Variants in RHBDD1 observed in about 807,000 individuals in gnomAD.
RHBDD1 encodes rhomboid domain containing 1.
In RHBDD1, 38 loss-of-function variants were observed where a neutral mutation model predicts 36.3. The ratio of observed to expected loss-of-function variants is 1.05; its 90% CI spans 0.81 to 1.37. The LOEUF (loss-of-function observed/expected upper bound fraction) is 1.37, where lower values mean the gene tolerates loss of function less well. Ranked by LOEUF, RHBDD1 falls within the 40% of genes most tolerant of loss-of-function variation. The pLI is 0.00. For synonymous variants in RHBDD1, 151 were observed against 136.5 expected (o/e 1.11, Z -0.74); for missense variants, 393 against 377.6 (o/e 1.04, Z -0.34).
Position 226,839,456 on chromosome 2 carries a change from G to A in RHBDD1, c.-262G>A, listed in dbSNP as rs1574727376. ...ACCTGTAAAACTCAGGAGCCGAGAAGCTTTAAGAACAGTGAGGTTGAAGGG... is the reference window on the plus strand; with the variant it reads ...ACCTGTAAAACTCAGGAGCCGAGAAACTTTAAGAACAGTGAGGTTGAAGGG... On this transcript the variant is annotated 5_prime_UTR_variant, in exon 3 of 9. Coordinates refer to ENST00000392062, the MANE Select transcript of RHBDD1 (RefSeq NM_001167608.3). 6.6e-6 allele frequency: 1 copy of A among 152,236 alleles called. No homozygotes were observed. Among genetic ancestry groups the A allele is most frequent in the East Asian group, 1.9e-4 (1 of 5,182 alleles). 9.4% of individuals were successfully genotyped at this position (152,236 alleles called of 1,614,324 possible). A position where few individuals can be genotyped will look rare whatever the true frequency, so the allele number is the denominator to read the frequency against.
intron 8 of RHBDD1, among the ~76,000 whole-genome samples, chr2:226,957,097 G>A (rs1409967547): frequency 6.6e-6 from 1 of 152,210 alleles, no homozygotes; most frequent in Non-Finnish European, 1.5e-5. Context: ...TAGTGATACT[G>A]CCCATGGGGG....
the RHBDD1 span, among the ~76,000 whole-genome samples, chr2:226,822,572 C>T: frequency 5.4e-5 from 8 of 147,088 alleles, no homozygotes; most frequent in African/African-American, 1.3e-4. Context: ...GGGCTGAGGT[C>T]GCAATGAGCC....
chr2:226,984,347 G>A (rs114182693), intron 8 of RHBDD1, among the ~76,000 whole-genome samples: 175 of 152,330 alleles, frequency 1.1e-3, no homozygotes, highest in Middle Eastern at 3.4e-3. Context: ...GGTTATAGTG[G>A]GGTCCCTCTT....
intron 5 of RHBDD1, among the ~76,000 whole-genome samples, chr2:226,875,060 C>T (rs1945110736): frequency 2.6e-5 from 4 of 152,144 alleles, no homozygotes; most frequent in Non-Finnish European, 5.9e-5. Flanking sequence ...ACCGTAAGCC[C>T]TTCCTCCATC....
At chr2:226,885,879 A>T (rs752421608) in intron 5 of RHBDD1, among the ~76,000 whole-genome samples, 1 of 152,202 alleles carries the variant, frequency 6.6e-6, no homozygotes, top group South Asian at 2.1e-4. Context: ...GGTTTTTTCA[A>T]TCCGATAACC....
At chr2:226,928,179 A>G (rs1949790265) in intron 8 of RHBDD1, among the ~76,000 whole-genome samples, 1 of 152,078 alleles carries the variant, frequency 6.6e-6, no homozygotes, top group African/African-American at 2.4e-5. Flanking sequence ...TTTCAGCACC[A>G]TTTGTAAAAA....
chr2:226,916,198 T>A (rs1948897660), intron 8 of RHBDD1, among the ~76,000 whole-genome samples: 1 of 152,320 alleles, frequency 6.6e-6, no homozygotes, highest in Admixed American at 6.5e-5. Flanking sequence ...ATTCATGGGA[T>A]AGGGAGATAG....
intron 5 of RHBDD1, among the ~76,000 whole-genome samples, chr2:226,885,920 T>C (rs559776614): frequency 2.8e-4 from 42 of 152,226 alleles, no homozygotes; most frequent in South Asian, 1.7e-3. Context: ...AATGGGCAGG[T>C]AGTGTATGCA....
At chr2:226,856,011 A>T (rs1424113460) in intron 3 of RHBDD1, among the ~76,000 whole-genome samples, 1 of 152,106 alleles carries the variant, frequency 6.6e-6, no homozygotes, top group East Asian at 1.9e-4. Flanking sequence ...GCCGGAAAAA[A>T]ATGTCATTTA....
At chr2:226,952,131 C>T (rs996121103) in intron 8 of RHBDD1, among the ~76,000 whole-genome samples, 1 of 152,118 alleles carries the variant, frequency 6.6e-6, no homozygotes. Flanking sequence ...GCTCTATAAG[C>T]TCCCCAGGTG....
intron 5 of RHBDD1, among the ~76,000 whole-genome samples, chr2:226,884,324 A>G (rs1250575399): frequency 6.6e-6 from 1 of 152,136 alleles, no homozygotes; most frequent in Non-Finnish European, 1.5e-5. Flanking sequence ...AGTTGGGGCT[A>G]TGAGTTGAAA....
intron 5 of RHBDD1, among the ~76,000 whole-genome samples, chr2:226,881,375 T>G (rs1281811901): frequency 1.3e-5 from 2 of 152,240 alleles, no homozygotes; most frequent in African/African-American, 4.8e-5. Context: ...TGTATGCAAC[T>G]GTATTTTCAA....
intron 8 of RHBDD1, among the ~76,000 whole-genome samples, chr2:226,993,498 T>C (rs1958723717): frequency 6.6e-6 from 1 of 152,228 alleles, no homozygotes; most frequent in African/African-American, 2.4e-5. Flanking sequence ...TTTTAAGCAA[T>C]CAACTACTGG....
At chr2:226,896,482 T>G (rs140739576) in intron 5 of RHBDD1, among the ~76,000 whole-genome samples, 37 of 152,324 alleles carry the variant, frequency 2.4e-4, no homozygotes, top group Non-Finnish European at 4.0e-4. Flanking sequence ...TGTAGTAGTA[T>G]TAATATTTCT....
chr2:226,902,192 A>G (rs1947653058), intron 5 of RHBDD1, among the ~76,000 whole-genome samples: 1 of 152,260 alleles, frequency 6.6e-6, no homozygotes, highest in Non-Finnish European at 1.5e-5. Context: ...GAATGAAGCC[A>G]CAGGCTTATT....
chr2:226,963,549 C>G (rs960761450), intron 8 of RHBDD1, among the ~76,000 whole-genome samples: 1 of 152,158 alleles, frequency 6.6e-6, no homozygotes, highest in Admixed American at 6.5e-5. Flanking sequence ...TCTTTGTCTT[C>G]CTTTCCAGTT....
At chr2:226,939,238 T>C (rs1438963369) in intron 8 of RHBDD1, among the ~76,000 whole-genome samples, 1 of 152,146 alleles carries the variant, frequency 6.6e-6, no homozygotes, top group Non-Finnish European at 1.5e-5. Context: ...AAGCCCTCTC[T>C]CACCACTCCT....
chr2:226,980,803 G>A (rs1955550356), intron 8 of RHBDD1, among the ~76,000 whole-genome samples: 2 of 152,236 alleles, frequency 1.3e-5, no homozygotes, highest in African/African-American at 4.8e-5. Context: ...TGGGATTGAT[G>A]TTTAAAAAAT....
At chr2:226,917,351 A>C (rs1948985591) in intron 8 of RHBDD1, among the ~76,000 whole-genome samples, 1 of 152,124 alleles carries the variant, frequency 6.6e-6, no homozygotes, top group Admixed American at 6.5e-5. Flanking sequence ...CCCCTATTTT[A>C]AATTATTTTA....
Sources: allele counts gnomAD v4.1 joint callset (sites outside exome capture counted in the v4.1 genomes callset), GRCh38; gene constraint gnomAD v4.1.1; transcripts MANE v1.5; gene names NCBI Gene and HGNC (gene_info 2026-07-23, HGNC 2026-07-21).